The following CADPS variants were observed in gnomAD, a reference collection of about 807,000 sequenced individuals.
CADPS encodes the protein calcium dependent secretion activator.
Under a neutral mutation model 167.3 loss-of-function variants are expected in CADPS, and 57 were observed. The observed-to-expected ratio is 0.34, with a 90% CI of 0.28 to 0.42. The LOEUF (loss-of-function observed/expected upper bound fraction) is 0.42, where lower values mean the gene tolerates loss of function less well. Among genes scored for constraint, CADPS ranks in the 20% least tolerant of loss-of-function variants. CADPS has a pLI of 1.00. For missense variants in CADPS, 1,414 were observed against 1,738.1 expected (o/e 0.81, Z 3.32); for synonymous variants, 676 against 635.3 (o/e 1.06, Z -0.96).
At chr3:62,754,836 G>A (rs1414216628) in intron 2 of CADPS, among the ~76,000 whole-genome samples, 1 of 152,128 alleles carries the variant, frequency 6.6e-6, no homozygotes, top group African/African-American at 2.4e-5. Flanking sequence ...CAGGCACATA[G>A]CATTAAACAT....
At chr3:62,525,177 G>A (rs2071749130) in intron 13 of CADPS, among the ~76,000 whole-genome samples, 1 of 152,054 alleles carries the variant, frequency 6.6e-6, no homozygotes, top group Non-Finnish European at 1.5e-5. Flanking sequence ...CAATGGAATA[G>A]GTAATTTAGC....
At chr3:62,624,060 T>C (rs140300076) in intron 6 of CADPS, among the ~76,000 whole-genome samples, 1 of 152,186 alleles carries the variant, frequency 6.6e-6, no homozygotes, top group East Asian at 1.9e-4. Context: ...TAGAACGTTT[T>C]AAAGTCCAGA....
intron 3 of CADPS, among the ~76,000 whole-genome samples, chr3:62,709,827 T>C (rs2083040477): frequency 6.6e-6 from 1 of 152,060 alleles, no homozygotes. Flanking sequence ...TGGAGTGCAG[T>C]GGTGTAATCT....
intron 3 of CADPS, among the ~76,000 whole-genome samples, chr3:62,750,628 A>G (rs2082495442): frequency 6.6e-6 from 1 of 152,222 alleles, no homozygotes; most frequent in South Asian, 2.1e-4. Context: ...TGAAAATCAT[A>G]AAAATCAACC....
intron 11 of CADPS, among the ~76,000 whole-genome samples, 159 bp from the exon 12 acceptor site, chr3:62,536,740 T>C (rs2074764289): frequency 6.6e-6 from 1 of 152,178 alleles, no homozygotes; most frequent in African/African-American, 2.4e-5. Flanking sequence ...TTACCTCCCA[T>C]TGTCAACTTG....
At chr3:62,829,349 A>C (rs1385824257) in intron 1 of CADPS, among the ~76,000 whole-genome samples, 1 of 152,188 alleles carries the variant, frequency 6.6e-6, no homozygotes, top group Non-Finnish European at 1.5e-5. Flanking sequence ...AAATAATTTA[A>C]ATTATATGAG....
chr3:62,608,358 C>T (rs148654050), intron 6 of CADPS, among the ~76,000 whole-genome samples: 76 of 151,690 alleles, frequency 5.0e-4, no homozygotes, highest in East Asian at 2.5e-3. Context: ...TCTCGGCTCA[C>T]GTCAACCTCC....
At chr3:62,837,090 A>C (rs574249978) in intron 1 of CADPS, among the ~76,000 whole-genome samples, 91 of 152,314 alleles carry the variant, frequency 6.0e-4, no homozygotes, top group African/African-American at 2.2e-3. Flanking sequence ...AATAGTAATA[A>C]TACGTTAATA....
chr3:62,862,467 C>T (rs1187269160), intron 1 of CADPS, among the ~76,000 whole-genome samples: 2 of 152,052 alleles, frequency 1.3e-5, no homozygotes, highest in South Asian at 2.1e-4. Flanking sequence ...CCTCGGCCTC[C>T]CAAAGACCTG....
At chr3:62,749,669 C>T (rs1189487152) in intron 3 of CADPS, among the ~76,000 whole-genome samples, 1 of 152,180 alleles carries the variant, frequency 6.6e-6, no homozygotes, top group Non-Finnish European at 1.5e-5. Flanking sequence ...ATTTCAGACA[C>T]CTGATGGTAA....
intron 6 of CADPS, among the ~76,000 whole-genome samples, chr3:62,632,369 C>T (rs2065448379): frequency 1.3e-5 from 2 of 152,060 alleles, no homozygotes; most frequent in South Asian, 4.2e-4. Flanking sequence ...AAAATGTAGC[C>T]AATAATAAGA....
intron 11 of CADPS, among the ~76,000 whole-genome samples, chr3:62,538,741 T>TA (rs1286882874): frequency 3.9e-5 from 6 of 152,148 alleles, no homozygotes; most frequent in Admixed American, 3.3e-4. Flanking sequence ...TTGTAGCTGT[T>TA]AAAAAAATAT....
intron 2 of CADPS, among the ~76,000 whole-genome samples, chr3:62,761,966 T>G (rs970618299): frequency 6.6e-6 from 1 of 152,242 alleles, no homozygotes; most frequent in East Asian, 1.9e-4. Context: ...AGGACAAAAA[T>G]AAACCTGTGT....
intron 7 of CADPS, 34 bp from the exon 8 acceptor site, chr3:62,585,358 A>C (rs138777739): frequency 6.3e-7 from 1 of 1,588,374 alleles, no homozygotes; most frequent in African/African-American, 1.4e-5. Context: ...ACTAGAAAAG[A>C]GAAGCACCAT....
At chr3:62,515,682 C>T (rs138429736) in intron 16 of CADPS, among the ~76,000 whole-genome samples, 127 of 152,164 alleles carry the variant, frequency 8.3e-4, no homozygotes, top group African/African-American at 2.8e-3. Flanking sequence ...CAGCAGCGGA[C>T]AACAGACTGC....
intron 3 of CADPS, among the ~76,000 whole-genome samples, chr3:62,747,357 G>A (rs2971927): frequency 0.89 from 135,262 of 152,256 alleles, 60,184 homozygotes; most frequent in Middle Eastern, 0.93. Context: ...CAGACCTACC[G>A]GAAACTTCTG....
rs73105456 is a variant in CADPS at position 62,710,703 on chromosome 3, A to G, written c.888+42738T>C. ...GAGTCACCAATTTAGATTCTAGAAC[A>G]TTGGACTTCCCACCTCTGCCACCTC... On this transcript the variant is annotated intron_variant, in intron 3 of 29. Transcript: ENST00000383710. Among the ~76,000 whole-genome samples, 47 of 152,198 alleles carry G rather than the reference A, an allele frequency of 3.1e-4. 1 individual carries two copies. Among genetic ancestry groups the G allele is most frequent in the Non-Finnish European group, 6.2e-4 (42 of 67,990 alleles).
intron 6 of CADPS, among the ~76,000 whole-genome samples, chr3:62,624,034 C>A (rs1396452267): frequency 6.6e-6 from 1 of 151,844 alleles, no homozygotes; most frequent in Non-Finnish European, 1.5e-5. Context: ...TCCTTTTATG[C>A]CATTTGAGAG....
At chr3:62,482,563 C>CA (rs1338114976) in intron 21 of CADPS, among the ~76,000 whole-genome samples, 4 of 152,132 alleles carry the variant, frequency 2.6e-5, no homozygotes, top group African/African-American at 4.8e-5. Flanking sequence ...CTAAGTTCAA[C>CA]AAAAATGCAG....
Sources: gnomAD v4.1 joint callset for allele counts (sites outside exome capture counted in the v4.1 genomes callset) on GRCh38, gnomAD v4.1.1 for gene constraint, MANE v1.5 for transcripts, NCBI Gene and HGNC (gene_info 2026-07-23, HGNC 2026-07-21) for gene names.